The following PBX1 variants were observed in gnomAD, a reference collection of about 807,000 sequenced individuals.
PBX1 encodes PBX homeobox 1, also known as pre-B-cell leukemia transcription factor 1.
PBX1 carries 6 observed loss-of-function variants against 53.4 expected under a neutral mutation model. The ratio of observed to expected loss-of-function variants is 0.11; its 90% CI spans 0.06 to 0.22. The LOEUF (loss-of-function observed/expected upper bound fraction) is 0.22. PBX1 is among the 10% of genes least tolerant of loss of function. The pLI is 1.00. For missense variants in PBX1, 251 were observed against 551.4 expected (o/e 0.46, Z 5.46); for synonymous variants, 204 against 212.3 (o/e 0.96, Z 0.34).
chr1:164,844,476 A>AGT (rs1244681181), intron 8 of PBX1, among the ~76,000 whole-genome samples: 1 of 152,322 alleles, frequency 6.6e-6, no homozygotes, highest in Admixed American at 6.5e-5. Context: ...TATAAAAATG[A>AGT]GTAGGAGAAA....
intron 2 of PBX1, among the ~76,000 whole-genome samples, chr1:164,685,116 G>T (rs910184587): frequency 2.0e-5 from 3 of 152,154 alleles, no homozygotes; most frequent in Non-Finnish European, 4.4e-5. Flanking sequence ...TGACCAAGAC[G>T]CGGGCCTCGT....
chr1:164,706,707 T>A (rs1268249177), intron 2 of PBX1, among the ~76,000 whole-genome samples: 1 of 152,210 alleles, frequency 6.6e-6, no homozygotes, highest in Non-Finnish European at 1.5e-5. Context: ...GTCTCTAATT[T>A]AAGTAACAGT....
chr1:164,651,202 C>T (rs1233975404), intron 2 of PBX1, among the ~76,000 whole-genome samples: 1 of 152,094 alleles, frequency 6.6e-6, no homozygotes, highest in East Asian at 1.9e-4. Context: ...TGGATCTCAC[C>T]CCCCTCCCCA....
intron 2 of PBX1, among the ~76,000 whole-genome samples, chr1:164,748,206 A>C (rs951299516): frequency 6.6e-6 from 1 of 152,224 alleles, no homozygotes; most frequent in Non-Finnish European, 1.5e-5. Flanking sequence ...AAGAAAGATC[A>C]TGTCACACCA....
intron 2 of PBX1, chr1:164,774,317 A>G (rs1667541769): frequency 6.6e-6 from 1 of 152,108 alleles, no homozygotes; most frequent in African/African-American, 2.4e-5. Flanking sequence ...TAAATGCTGG[A>G]CTCTCAAGTT....
At position 164,684,047 on chromosome 1, in the gene PBX1, G is replaced by C. The variant is rs1161255277; in HGVS notation, c.266-108447G>C. The C allele has an allele frequency of 2.0e-5, 3 of 152,114 alleles. 1 individual carries two copies. Among genetic ancestry groups the C allele is most frequent in the Admixed American group, 2.0e-4 (3 of 15,272 alleles). The allele number at this position is 152,114 out of a possible 1,614,324, so 9.4% of individuals were successfully genotyped here. On this transcript the variant is annotated intron_variant, in intron 2 of 8. Coordinates refer to ENST00000420696, the MANE Select transcript of PBX1 (RefSeq NM_002585.4). ...TGCTCAGGCTGGTCTTGAACTCCTA[G>C]CCTCAAATGATCCTCCTGCATTGGC...
chr1:164,591,417 C>T (rs1443790502), intron 2 of PBX1, among the ~76,000 whole-genome samples: 1 of 152,152 alleles, frequency 6.6e-6, no homozygotes, highest in Admixed American at 6.5e-5. Context: ...TAAATAATTT[C>T]GGGCTAAGTT....
chr1:164,655,495 C>T (rs138253595), intron 2 of PBX1, among the ~76,000 whole-genome samples: 121 of 152,216 alleles, frequency 7.9e-4, no homozygotes, highest in South Asian at 5.0e-3. Flanking sequence ...TAGAAAAGTC[C>T]AATGTTGAGT....
intron 4 of PBX1, among the ~76,000 whole-genome samples, chr1:164,801,365 C>T (rs1669060901): frequency 6.6e-6 from 1 of 151,742 alleles, no homozygotes; most frequent in South Asian, 2.1e-4. Context: ...CTCTGTGCCA[C>T]TGCCACCCTG....
chr1:164,766,626 T>TA (rs1420723000), intron 2 of PBX1, among the ~76,000 whole-genome samples: 1 of 152,144 alleles, frequency 6.6e-6, no homozygotes, highest in Non-Finnish European at 1.5e-5. Flanking sequence ...GGATAAAAAA[T>TA]AAAGGCTTTT....
At chr1:164,657,392 A>G (rs1450455275) in intron 2 of PBX1, 2 of 152,366 alleles carry the variant, frequency 1.3e-5, no homozygotes, top group East Asian at 3.9e-4. Context: ...ACCTAATATT[A>G]TCATGATGCA....
chr1:164,565,922 TATA>T (rs1291139485), intron 2 of PBX1, among the ~76,000 whole-genome samples: 1 of 152,126 alleles, frequency 6.6e-6, no homozygotes, highest in African/African-American at 2.4e-5. Flanking sequence ...TTATAATGCT[TATA>T]ATAATAATAG....
intron 6 of PBX1, chr1:164,816,352 C>T (rs1286165068): frequency 6.6e-6 from 1 of 152,170 alleles, no homozygotes; most frequent in Non-Finnish European, 1.5e-5. Context: ...ATCCTTTGAG[C>T]TCCCAAATGG....
chr1:164,870,206 TTCTTTTC>T (rs1467065925), intron 2 of PBX1, among the ~76,000 whole-genome samples: 1 of 144,850 alleles, frequency 6.9e-6, no homozygotes, highest in African/African-American at 2.5e-5. Flanking sequence ...CTTTCTTTCT[TTCTTTTC>T]TTTCTTTCCT....
chr1:164,753,252 A>G (rs1666326370), intron 2 of PBX1, among the ~76,000 whole-genome samples: 1 of 152,232 alleles, frequency 6.6e-6, no homozygotes, highest in South Asian at 2.1e-4. Context: ...AGTGCACAGC[A>G]TGTAGTTCTG....
chr1:164,883,266 C>T (rs889127182), intron 2 of PBX1, among the ~76,000 whole-genome samples: 8 of 152,072 alleles, frequency 5.3e-5, no homozygotes, highest in African/African-American at 1.2e-4. Flanking sequence ...ATGTTATTAG[C>T]GCCTCTCACC....
At chr1:164,721,806 A>G (rs1396250910) in intron 2 of PBX1, among the ~76,000 whole-genome samples, 1 of 152,144 alleles carries the variant, frequency 6.6e-6, no homozygotes, top group Non-Finnish European at 1.5e-5. Context: ...ATTTTCACTT[A>G]CAGTGCTTCA....
intron 2 of PBX1, among the ~76,000 whole-genome samples, chr1:164,787,425 C>G (rs1668257509): frequency 6.6e-6 from 1 of 152,154 alleles, no homozygotes; most frequent in East Asian, 1.9e-4. Flanking sequence ...GAGGCATTCC[C>G]CCAGCATGAA....
At chr1:164,637,361 A>T (rs1440590254) in intron 2 of PBX1, among the ~76,000 whole-genome samples, 3 of 152,188 alleles carry the variant, frequency 2.0e-5, no homozygotes, top group Non-Finnish European at 4.4e-5. Context: ...TGAGAGAAAA[A>T]ATGGATTAAC....
Sources: allele counts gnomAD v4.1 joint callset (sites outside exome capture counted in the v4.1 genomes callset), GRCh38; gene constraint gnomAD v4.1.1; transcripts MANE v1.5; gene names NCBI Gene and HGNC (gene_info 2026-07-23, HGNC 2026-07-21).